Variants in DAAM1 observed in about 807,000 individuals in gnomAD.
DAAM1 encodes the protein dishevelled associated activator of morphogenesis 1.
In DAAM1, 52 loss-of-function variants were observed where a neutral mutation model predicts 130.0. The observed-to-expected ratio is 0.40, with a 90% CI of 0.32 to 0.50. DAAM1 has a LOEUF of 0.50. Among genes scored for constraint, DAAM1 ranks in the 20% least tolerant of loss-of-function variants. The probability of loss-of-function intolerance (pLI) is 0.61; values close to 1 mark genes in which losing one functional copy is unlikely to be tolerated. For synonymous variants in DAAM1, 452 were observed against 444.5 expected (o/e 1.02, Z -0.21); for missense variants, 1,134 against 1,303.8 (o/e 0.87, Z 2.01).
chr14:59,243,018 G>A (rs551008530), intron 1 of DAAM1, among the ~76,000 whole-genome samples: 127 of 152,254 alleles, frequency 8.3e-4, no homozygotes, highest in African/African-American at 2.9e-3. Context: ...ATGACAATAA[G>A]GGATGGTATT....
At chr14:59,192,890 A>G (rs1240126206) in intron 1 of DAAM1, among the ~76,000 whole-genome samples, 2 of 152,232 alleles carry the variant, frequency 1.3e-5, no homozygotes, top group Non-Finnish European at 2.9e-5. Context: ...CGTCTCTACT[A>G]AAAATACAAA....
chr14:59,280,569 A>G (rs967971165), intron 2 of DAAM1, among the ~76,000 whole-genome samples: 4 of 81,940 alleles, frequency 4.9e-5, no homozygotes, highest in African/African-American at 1.4e-4. Flanking sequence ...CATTTCTGCT[A>G]TGTCAGACTG....
chr14:59,295,215 T>G (rs1883909063), intron 3 of DAAM1, among the ~76,000 whole-genome samples: 1 of 152,196 alleles, frequency 6.6e-6, no homozygotes, highest in Admixed American at 6.5e-5. Context: ...GGTATTAGAT[T>G]GTTCATATTA....
intron 3 of DAAM1, 194 bp downstream of exon 3, chr14:59,291,500 T>C (rs1883738521): frequency 1.8e-6 from 1 of 540,650 alleles, no homozygotes; most frequent in Non-Finnish European, 3.3e-6. Flanking sequence ...TTCATTGGGC[T>C]CTTTTCCACC....
At chr14:59,256,524 C>T (rs1041059114) in intron 1 of DAAM1, among the ~76,000 whole-genome samples, 2 of 152,212 alleles carry the variant, frequency 1.3e-5, no homozygotes, top group Non-Finnish European at 2.9e-5. Context: ...TAGCACTAGT[C>T]ATCTGTAATG....
intron 19 of DAAM1, 107 bp from the exon 20 acceptor site, chr14:59,355,058 A>C: frequency 7.1e-7 from 1 of 1,408,820 alleles, no homozygotes; most frequent in Non-Finnish European, 9.6e-7. Flanking sequence ...TTACATCTTC[A>C]ATATCTGTTA....
intron 1 of DAAM1, among the ~76,000 whole-genome samples, chr14:59,241,349 G>T (rs1881105479): frequency 6.6e-6 from 1 of 152,196 alleles, no homozygotes; most frequent in African/African-American, 2.4e-5. Context: ...CAGCCATATG[G>T]TTCAGATACT....
At chr14:59,365,044 A>T (rs886939834) in intron 23 of DAAM1, among the ~76,000 whole-genome samples, 4 of 149,966 alleles carry the variant, frequency 2.7e-5, no homozygotes, top group Non-Finnish European at 6.0e-5. Flanking sequence ...CAAGGGGCTC[A>T]AACATTTTTG....
chr14:59,249,205 G>T (rs17093312), intron 1 of DAAM1, among the ~76,000 whole-genome samples: 9,555 of 152,204 alleles, frequency 0.063, 393 homozygotes, highest in Non-Finnish European at 0.094. Flanking sequence ...TAATTCAATT[G>T]CCAAAGGAGC....
intron 22 of DAAM1, chr14:59,363,264 G>C (rs996811292): frequency 5.7e-6 from 1 of 175,368 alleles, no homozygotes; most frequent in African/African-American, 2.4e-5. Context: ...ACAATTCTAA[G>C]CATGGAATAT....
At chr14:59,206,382 TCTC>T (rs1459602822) in intron 1 of DAAM1, among the ~76,000 whole-genome samples, 1 of 151,844 alleles carries the variant, frequency 6.6e-6, no homozygotes, top group African/African-American at 2.4e-5. Context: ...TTCACGCCAT[TCTC>T]CTGCCTCAGC....
intron 3 of DAAM1, among the ~76,000 whole-genome samples, chr14:59,296,865 A>G (rs1455075333): frequency 6.6e-6 from 1 of 152,198 alleles, no homozygotes; most frequent in Non-Finnish European, 1.5e-5. Context: ...TACTAAACAC[A>G]ATTTGTAGAG....
intron 1 of DAAM1, among the ~76,000 whole-genome samples, chr14:59,215,726 A>G (rs1051827772): frequency 1.3e-5 from 2 of 152,106 alleles, no homozygotes; most frequent in African/African-American, 4.8e-5. Flanking sequence ...AGCCGCGGGG[A>G]GTAGGCTAGG....
At chr14:59,242,598 C>G (rs147327353) in intron 1 of DAAM1, among the ~76,000 whole-genome samples, 10,498 of 152,122 alleles carry the variant, frequency 0.069, 445 homozygotes, top group Non-Finnish European at 0.1. Flanking sequence ...TCGCTCTATC[C>G]CCCAGGCTGG....
intron 3 of DAAM1, among the ~76,000 whole-genome samples, chr14:59,312,066 C>T (rs941519204): frequency 2.6e-5 from 4 of 152,096 alleles, no homozygotes; most frequent in African/African-American, 4.8e-5. Context: ...GAAAAATTTT[C>T]GTGATTATAT....
chr14:59,215,725 G>C (rs754254981), intron 1 of DAAM1, among the ~76,000 whole-genome samples: 1 of 152,202 alleles, frequency 6.6e-6, no homozygotes, highest in African/African-American at 2.4e-5. Context: ...CAGCCGCGGG[G>C]AGTAGGCTAG....
intron 1 of DAAM1, among the ~76,000 whole-genome samples, chr14:59,244,761 C>A (rs1476076850): frequency 6.6e-6 from 1 of 152,126 alleles, no homozygotes; most frequent in Non-Finnish European, 1.5e-5. Flanking sequence ...AAGTATCTGG[C>A]ATCACTGTCC....
Position 59,282,081 on chromosome 14 carries a change from C to T in DAAM1, c.184-9136C>T, listed in dbSNP as rs978889042. Among the ~76,000 whole-genome samples, 8 of 152,108 alleles carry T rather than the reference C, an allele frequency of 5.3e-5. 1 individual carries two copies. In the South Asian group the frequency reaches 6.2e-4, roughly 12 times the overall value. ...TTCTACCTCTTTACTTCTTATGTAC[C>T]TCTAAGCTCTGTATATTTCCTGGGG... On this transcript the variant is annotated intron_variant, in intron 2 of 24. Transcript: ENST00000360909.
At chr14:59,309,121 A>G (rs1331958959) in intron 3 of DAAM1, among the ~76,000 whole-genome samples, 1 of 152,210 alleles carries the variant, frequency 6.6e-6, no homozygotes, top group Non-Finnish European at 1.5e-5. Context: ...TAGGTATTGG[A>G]GGGAATGAGG....
Sources: gnomAD v4.1 joint callset for allele counts (sites outside exome capture counted in the v4.1 genomes callset) on GRCh38, gnomAD v4.1.1 for gene constraint, MANE v1.5 for transcripts, NCBI Gene and HGNC (gene_info 2026-07-23, HGNC 2026-07-21) for gene names.